The following MAST4 variants were observed in gnomAD, a reference collection of about 807,000 sequenced individuals.
MAST4 encodes microtubule-associated serine/threonine-protein kinase 4.
MAST4 carries 89 observed loss-of-function variants against 162.7 expected under a neutral mutation model. The ratio of observed to expected loss-of-function variants is 0.55; its 90% CI spans 0.46 to 0.65. The LOEUF is 0.65. Among genes scored for constraint, MAST4 ranks in the 30% least tolerant of loss-of-function variants. The pLI is 0.00. For missense variants in MAST4, 3,153 were observed against 3,374.0 expected, an observed-to-expected ratio of 0.93 and a Z score of 1.62; for synonymous variants, 1,479 against 1,361.1, an observed-to-expected ratio of 1.09 and a Z score of -1.91.
intron 5 of MAST4, among the ~76,000 whole-genome samples, chr5:67,070,225 C>T (rs924653061): frequency 6.6e-6 from 1 of 152,180 alleles, no homozygotes; most frequent in Non-Finnish European, 1.5e-5. Context: ...TCTCCCTTCT[C>T]TGGAGACATA....
chr5:66,600,361 A>C (rs1318034978), intron 1 of MAST4, among the ~76,000 whole-genome samples: 1 of 152,214 alleles, frequency 6.6e-6, no homozygotes, highest in African/African-American at 2.4e-5. Flanking sequence ...AGATTGAAGG[A>C]CTGTTCCCCT....
At chr5:66,772,779 G>T (rs946214973) in intron 2 of MAST4, among the ~76,000 whole-genome samples, 1 of 152,128 alleles carries the variant, frequency 6.6e-6, no homozygotes, top group Non-Finnish European at 1.5e-5. Context: ...TCATTGCTGG[G>T]CCTTAGATTC....
chr5:67,163,432 A>G lies in MAST4; in HGVS notation c.4253A>G (p.His1418Arg), dbSNP rs759188328. The change falls in exon 29 of 29, where the codon CAC becomes CGC. Residue 1418 changes from histidine to arginine, a missense_variant. Transcript: ENST00000403625. This position sits in a 1 kb window ranked among gnomAD's most constrained non-coding sequence, Gnocchi z 7.0. ...KIAQAFPSKM[H>R]SPPTIVRHIV... Reference sequence around the variant, plus strand: ...GCGCAAGCCTTTCCCAGCAAGATGCACTCCCCGCCCACCATCGTCAGACAC... The same window carrying G: ...GCGCAAGCCTTTCCCAGCAAGATGCGCTCCCCGCCCACCATCGTCAGACAC... 3 of 1,612,824 alleles carry G rather than the reference A, an allele frequency of 1.9e-6. No individual in the cohort carries two copies. Among genetic ancestry groups the G allele is most frequent in the South Asian group, 2.2e-5 (2 of 91,056 alleles).
intron 12 of MAST4, among the ~76,000 whole-genome samples, chr5:67,117,228 A>T (rs1292342880): frequency 6.6e-6 from 1 of 152,208 alleles, no homozygotes; most frequent in Non-Finnish European, 1.5e-5. Flanking sequence ...CCAAGTCCAT[A>T]AATCTAAGAT....
chr5:66,647,074 A>G (rs1023964294), intron 1 of MAST4, among the ~76,000 whole-genome samples: 1 of 152,136 alleles, frequency 6.6e-6, no homozygotes, highest in African/African-American at 2.4e-5. Flanking sequence ...CCATAATATT[A>G]TAGGATTAAG....
At chr5:66,972,892 A>T (rs574256822) in intron 4 of MAST4, among the ~76,000 whole-genome samples, 2 of 152,078 alleles carry the variant, frequency 1.3e-5, no homozygotes, top group Non-Finnish European at 1.5e-5. Context: ...CACTTCAAGC[A>T]TGTTCCTGTG....
At chr5:66,699,968 C>T (rs1393578937) in intron 1 of MAST4, among the ~76,000 whole-genome samples, 2 of 151,894 alleles carry the variant, frequency 1.3e-5, no homozygotes, top group African/African-American at 4.8e-5. Context: ...GTATACAACA[C>T]ATTTTTCTTG....
intron 2 of MAST4, among the ~76,000 whole-genome samples, chr5:66,763,211 C>T (rs1753932995): frequency 6.6e-6 from 1 of 152,166 alleles, no homozygotes; most frequent in Admixed American, 6.5e-5. Flanking sequence ...TAGTCAGTAC[C>T]TAGTAGGTTT....
intron 1 of MAST4, among the ~76,000 whole-genome samples, chr5:66,689,000 T>C (rs1249960915): frequency 6.6e-6 from 1 of 152,168 alleles, no homozygotes; most frequent in African/African-American, 2.4e-5. Flanking sequence ...TCAAAAGGGC[T>C]TTTTTCCAAG....
intron 1 of MAST4, among the ~76,000 whole-genome samples, chr5:66,612,557 AATAG>A (rs1561212537): frequency 6.6e-6 from 1 of 152,084 alleles, no homozygotes; most frequent in African/African-American, 2.4e-5. Context: ...CAAAAGAAAT[AATAG>A]ATCTGGTCAG....
intron 5 of MAST4, among the ~76,000 whole-genome samples, chr5:67,089,576 G>C (rs1479216005): frequency 6.6e-6 from 1 of 152,228 alleles, no homozygotes; most frequent in Non-Finnish European, 1.5e-5. Flanking sequence ...GCAATGCTGA[G>C]ATAGATCTGG....
intron 2 of MAST4, 47 bp from the exon 3 acceptor site, chr5:66,788,623 C>A: frequency 1.7e-6 from 1 of 590,858 alleles, no homozygotes; most frequent in Non-Finnish European, 3.0e-6. Flanking sequence ...AATAAGACTA[C>A]TACCGGCTGC....
chr5:66,601,588 G>A (rs977380307), intron 1 of MAST4, among the ~76,000 whole-genome samples: 1 of 152,172 alleles, frequency 6.6e-6, no homozygotes, highest in Non-Finnish European at 1.5e-5. Context: ...TTAGGTGGGG[G>A]AGGGCAAGGG....
intron 5 of MAST4, among the ~76,000 whole-genome samples, chr5:67,086,102 A>G (rs1191827334): frequency 6.6e-6 from 1 of 152,234 alleles, no homozygotes; most frequent in Admixed American, 6.5e-5. Flanking sequence ...CAACTCATTT[A>G]AGGGGATCAT....
At chr5:66,849,149 A>C (rs1177744023) in intron 3 of MAST4, among the ~76,000 whole-genome samples, 1 of 152,136 alleles carries the variant, frequency 6.6e-6, no homozygotes, top group Non-Finnish European at 1.5e-5. Context: ...GGGGGTCATA[A>C]GCCAAACTGG....
intron 5 of MAST4, among the ~76,000 whole-genome samples, chr5:67,070,093 A>G (rs1760764830): frequency 6.6e-6 from 1 of 152,206 alleles, no homozygotes; most frequent in African/African-American, 2.4e-5. Flanking sequence ...ATTGAAAGAA[A>G]AAAAAATAGG....
chr5:66,972,013 A>G (rs201367832), intron 4 of MAST4, among the ~76,000 whole-genome samples: 4,110 of 152,300 alleles, frequency 0.027, 162 homozygotes, highest in African/African-American at 0.094. Flanking sequence ...CTTTAAAAAA[A>G]AAAGTCATTT....
Position 66,691,546 on chromosome 5 carries a change from A to G in MAST4, c.364-68163A>G, listed in dbSNP as rs560304370. Among the ~76,000 whole-genome samples the G allele has an allele frequency of 3.3e-5, 5 of 152,280 alleles. No homozygotes were observed. In the South Asian group the frequency reaches 1.0e-3, roughly 32 times the overall value. ...AGACTGGGTGACTTATAAACAACAG[A>G]AAATGTATTTTGCACAATTCTGGAA... On this transcript the variant is annotated intron_variant, in intron 1 of 28. Transcript: ENST00000403625.
chr5:66,628,408 T>G (rs746033580), intron 1 of MAST4, among the ~76,000 whole-genome samples: 1 of 150,446 alleles, frequency 6.6e-6, no homozygotes, highest in South Asian at 2.1e-4. Flanking sequence ...ATCAAAGATG[T>G]AGGGGGAAAA....
Sources: allele counts gnomAD v4.1 joint callset (sites outside exome capture counted in the v4.1 genomes callset), GRCh38; gene constraint gnomAD v4.1.1; non-coding constraint Gnocchi (gnomAD v3.1); transcripts MANE v1.5; gene names NCBI Gene and HGNC (gene_info 2026-07-23, HGNC 2026-07-21).